Variants in KYNU observed in about 807,000 individuals in gnomAD.
KYNU encodes the protein L-kynurenine hydrolase.
Under a neutral mutation model 59.2 loss-of-function variants are expected in KYNU, and 54 were observed. The ratio of observed to expected loss-of-function variants is 0.91; its 90% CI spans 0.73 to 1.14. The LOEUF (loss-of-function observed/expected upper bound fraction) is 1.14, where lower values mean the gene tolerates loss of function less well. KYNU is among the 50% of genes most tolerant of loss of function. The probability of loss-of-function intolerance (pLI) is 0.00; values close to 1 mark genes in which losing one functional copy is unlikely to be tolerated. For synonymous variants in KYNU, 177 were observed against 192.0 expected (o/e 0.92, Z 0.65); for missense variants, 567 against 554.4 (o/e 1.02, Z -0.23).
intron 2 of KYNU, among the ~76,000 whole-genome samples, chr2:142,896,838 A>G (rs1681895705): frequency 6.6e-6 from 1 of 152,222 alleles, no homozygotes; most frequent in African/African-American, 2.4e-5. Flanking sequence ...AATCAATGAT[A>G]TGAAAATATT....
intron 8 of KYNU, chr2:142,964,747 A>G (rs1488574904): frequency 6.6e-6 from 1 of 152,218 alleles, no homozygotes; most frequent in African/African-American, 2.4e-5. Flanking sequence ...ACAATTGATA[A>G]TATGACTTTG....
At chr2:142,990,670 T>C (rs569112201) in intron 10 of KYNU, among the ~76,000 whole-genome samples, 24 of 151,950 alleles carry the variant, frequency 1.6e-4, no homozygotes, top group African/African-American at 5.3e-4. Context: ...CATGTGCCCA[T>C]TGTATTAGAT....
At chr2:142,961,055 T>A (rs549105295) in intron 8 of KYNU, among the ~76,000 whole-genome samples, 47 of 151,900 alleles carry the variant, frequency 3.1e-4, no homozygotes, top group Non-Finnish European at 6.2e-4. Context: ...TAGCTGGGCA[T>A]GGTGGTGGGC....
At chr2:143,000,204 T>A (rs1283765334) in intron 10 of KYNU, among the ~76,000 whole-genome samples, 1 of 152,212 alleles carries the variant, frequency 6.6e-6, no homozygotes, top group Non-Finnish European at 1.5e-5. Flanking sequence ...TCTGTATTTA[T>A]GACTGGTTGA....
intron 2 of KYNU, among the ~76,000 whole-genome samples, 182 bp downstream of exon 2, chr2:142,885,718 T>G (rs1248319394): frequency 1.3e-5 from 2 of 152,192 alleles, no homozygotes; most frequent in African/African-American, 2.4e-5. Context: ...AGCCTCAAAT[T>G]ATCTGTTTTC....
At chr2:142,917,605 A>G (rs1484982419) in intron 2 of KYNU, among the ~76,000 whole-genome samples, 1 of 152,214 alleles carries the variant, frequency 6.6e-6, no homozygotes, top group Non-Finnish European at 1.5e-5. Context: ...CCTGGCTGAC[A>G]TGATAACCTT....
At chr2:142,988,970 T>G in intron 10 of KYNU, 6 of 1,230,436 alleles carry the variant, frequency 4.9e-6, no homozygotes, top group Non-Finnish European at 6.0e-6. Flanking sequence ...AACTTAACTT[T>G]GTGTCCCTTA....
intron 2 of KYNU, among the ~76,000 whole-genome samples, chr2:142,907,134 G>A (rs2099623): frequency 0.15 from 22,764 of 152,066 alleles, 2,622 homozygotes; most frequent in African/African-American, 0.32. Flanking sequence ...TGTTACCAGC[G>A]GATCTTTGTT....
intron 2 of KYNU, among the ~76,000 whole-genome samples, chr2:142,889,577 G>T (rs774050004): frequency 3.4e-4 from 52 of 152,114 alleles, no homozygotes; most frequent in Non-Finnish European, 6.6e-4. Flanking sequence ...ATCTCCTTCA[G>T]TTCCAAGTAC....
intron 3 of KYNU, among the ~76,000 whole-genome samples, chr2:142,922,180 G>A (rs953306966): frequency 3.9e-5 from 6 of 152,146 alleles, no homozygotes; most frequent in African/African-American, 1.4e-4. Flanking sequence ...GAAAGTAGTT[G>A]CTTAGTTGAA....
In KYNU at chr2:142,970,860, T is replaced by C. The variant is rs114614155; in HGVS notation, c.729+10090T>C. On this transcript the variant is annotated intron_variant, in intron 8 of 13. Transcript: ENST00000264170. Reference sequence around the variant, plus strand: ...TCAGCTAAGCCAAAAGTTGTATATATTCCCTGTCTCAATGTCCTACTTTGT... The same window carrying C: ...TCAGCTAAGCCAAAAGTTGTATATACTCCCTGTCTCAATGTCCTACTTTGT... Among the ~76,000 whole-genome samples the C allele has an allele frequency of 3.3e-3, 499 of 152,274 alleles. 1 individual carries two copies. The highest frequency in any genetic ancestry group is 0.012 in the African/African-American group (487 of 41,572).
chr2:142,984,060 G>T (rs1685127332), intron 8 of KYNU, among the ~76,000 whole-genome samples: 1 of 151,950 alleles, frequency 6.6e-6, no homozygotes, highest in Non-Finnish European at 1.5e-5. Context: ...AACTTTTTAG[G>T]AGTTCTGGTA....
chr2:142,913,296 G>C (rs1223186136), intron 2 of KYNU, among the ~76,000 whole-genome samples: 1 of 152,136 alleles, frequency 6.6e-6, no homozygotes, highest in Non-Finnish European at 1.5e-5. Flanking sequence ...GGGAATTGCA[G>C]ATCATTCTAA....
intron 12 of KYNU, among the ~76,000 whole-genome samples, chr2:143,037,557 G>C (rs1686924857): frequency 6.6e-6 from 1 of 151,992 alleles, no homozygotes. Flanking sequence ...AAGAATTTAA[G>C]AGAAAAATAT....
chr2:143,012,047 A>G (rs893122919), intron 10 of KYNU, among the ~76,000 whole-genome samples: 2 of 144,064 alleles, frequency 1.4e-5, no homozygotes, highest in Non-Finnish European at 3.0e-5. Flanking sequence ...CATATACCCT[A>G]AAACTTAAAG....
intron 4 of KYNU, among the ~76,000 whole-genome samples, chr2:142,930,184 A>AT (rs1390789651): frequency 6.6e-6 from 1 of 152,224 alleles, no homozygotes; most frequent in East Asian, 1.9e-4. Flanking sequence ...GTAGGATGTT[A>AT]TTCCCCAGGC....
At chr2:142,892,004 C>A (rs1453628220) in intron 2 of KYNU, among the ~76,000 whole-genome samples, 2 of 152,106 alleles carry the variant, frequency 1.3e-5, no homozygotes, top group Non-Finnish European at 2.9e-5. Flanking sequence ...CCTCCACCCC[C>A]TGAACTCAAA....
intron 8 of KYNU, among the ~76,000 whole-genome samples, chr2:142,971,877 G>C (rs1684735055): frequency 6.6e-6 from 1 of 152,196 alleles, no homozygotes; most frequent in Admixed American, 6.5e-5. Flanking sequence ...CTTTTTGTAA[G>C]TTTTGAGTTC....
intron 1 of KYNU, among the ~76,000 whole-genome samples, chr2:142,878,461 A>G (rs1681177853): frequency 1.3e-5 from 2 of 152,124 alleles, no homozygotes; most frequent in Admixed American, 1.3e-4. Flanking sequence ...CAATATGCAT[A>G]TTGTTTTTCC....
Sources: allele counts gnomAD v4.1 joint callset (sites outside exome capture counted in the v4.1 genomes callset), GRCh38; gene constraint gnomAD v4.1.1; transcripts MANE v1.5; gene names NCBI Gene and HGNC (gene_info 2026-07-23, HGNC 2026-07-21).